PLB1: variants seen among roughly 807,000 people sequenced by gnomAD.
The protein encoded by PLB1 is phospholipase B1, also known as phospholipase B1, membrane-associated.
Under a neutral mutation model 227.4 loss-of-function variants are expected in PLB1, and 242 were observed. The ratio of observed to expected loss-of-function variants is 1.06; its 90% CI spans 0.96 to 1.18. PLB1 has a LOEUF of 1.18. PLB1 is among the 50% of genes most tolerant of loss of function. PLB1 has a pLI of 0.00. For synonymous variants in PLB1, 757 were observed against 682.2 expected (o/e 1.11, Z -1.71); for missense variants, 1,858 against 1,816.3 (o/e 1.02, Z -0.42).
intron 43 of PLB1, among the ~76,000 whole-genome samples, chr2:28,612,665 C>T (rs1685626695): frequency 6.8e-6 from 1 of 147,314 alleles, no homozygotes; most frequent in Non-Finnish European, 1.5e-5. Context: ...CTGGAGTGAA[C>T]TGGCATGATC....
intron 51 of PLB1, 133 bp from the exon 52 acceptor site, chr2:28,628,430 T>C: frequency 1.4e-6 from 1 of 721,180 alleles, no homozygotes; most frequent in Non-Finnish European, 2.4e-6. Flanking sequence ...GGCTTCTCAG[T>C]TTGACCAGGA....
At chr2:28,576,764 C>T (rs1009696986) in intron 21 of PLB1, among the ~76,000 whole-genome samples, 10 of 152,160 alleles carry the variant, frequency 6.6e-5, no homozygotes, top group African/African-American at 1.7e-4. Context: ...GAGTAATCAT[C>T]CTCAAACTCT....
At chr2:28,624,311 A>G (rs557499299) in intron 49 of PLB1, among the ~76,000 whole-genome samples, 3 of 152,336 alleles carry the variant, frequency 2.0e-5, no homozygotes, top group East Asian at 1.9e-4. Context: ...AAATGGGATC[A>G]AAGAGTATAT....
At position 28,626,689 on chromosome 2, in the gene PLB1, C is replaced by T. The variant is rs1573533170; in HGVS notation, c.3660+181C>T. 4.8e-6 allele frequency: 3 copies of T among 625,468 alleles called. No homozygotes were observed. In the South Asian group the frequency reaches 5.9e-5, roughly 12 times the overall value. 38.7% of individuals were successfully genotyped at this position (625,468 alleles called of 1,614,324 possible). A position where few individuals can be genotyped will look rare whatever the true frequency, so the allele number is the denominator to read the frequency against. Reference sequence around the variant, plus strand: ...GGCAAGGCCCAGCCTTTTCTACTGCCTGAGCGACCCCTGGAAGAGCAGGTG... The same window carrying T: ...GGCAAGGCCCAGCCTTTTCTACTGCTTGAGCGACCCCTGGAAGAGCAGGTG... On this transcript the variant is annotated intron_variant, in intron 51 of 57. Transcript: ENST00000327757.
intron 43 of PLB1, among the ~76,000 whole-genome samples, chr2:28,611,505 A>G (rs115106785): frequency 0.015 from 2,239 of 152,230 alleles, 68 homozygotes; most frequent in African/African-American, 0.05. Context: ...AGCAGGTACT[A>G]CACTGACTGG....
At chr2:28,525,971 T>A (rs72792970) in intron 6 of PLB1, 26 bp downstream of exon 6, 1 of 1,613,504 alleles carries the variant, frequency 6.2e-7, no homozygotes, top group East Asian at 2.2e-5. Context: ...CACGGCCAGA[T>A]TTCAGAGTGC....
intron 17 of PLB1, among the ~76,000 whole-genome samples, chr2:28,558,873 CAGGAGA>C (rs1472369528): frequency 6.6e-6 from 1 of 152,162 alleles, no homozygotes; most frequent in Non-Finnish European, 1.5e-5. Flanking sequence ...TACATACACA[CAGGAGA>C]AACAACTCTA....
intron 57 of PLB1, among the ~76,000 whole-genome samples, chr2:28,642,544 T>C (rs1013216729): frequency 1.3e-5 from 2 of 152,124 alleles, no homozygotes; most frequent in East Asian, 1.9e-4. Flanking sequence ...AGGTGGGAGT[T>C]CTACAGGCCC....
chr2:28,610,414 G>A (rs1685276614), intron 43 of PLB1, among the ~76,000 whole-genome samples: 2 of 151,956 alleles, frequency 1.3e-5, no homozygotes, highest in South Asian at 4.2e-4. Flanking sequence ...GCCTCCCAAA[G>A]TGCTGGGATT....
chr2:28,520,943 C>G (rs1669449520), intron 4 of PLB1, among the ~76,000 whole-genome samples: 1 of 152,118 alleles, frequency 6.6e-6, no homozygotes, highest in Admixed American at 6.5e-5. Context: ...CCATTGCACT[C>G]CGGCCTGGGA....
At chr2:28,623,357 G>T (rs1409036673) in intron 49 of PLB1, among the ~76,000 whole-genome samples, 1 of 152,052 alleles carries the variant, frequency 6.6e-6, no homozygotes, top group East Asian at 1.9e-4. Flanking sequence ...GAAGAAGATG[G>T]CTAGGAAGAG....
intron 15 of PLB1, 24 bp from the exon 16 acceptor site, chr2:28,549,986 C>A: frequency 6.3e-7 from 1 of 1,599,828 alleles, no homozygotes; most frequent in South Asian, 1.1e-5. Context: ...GGTCACGATT[C>A]CAACATGTCA....
Position 28,606,426 on chromosome 2 carries a change from C to G in PLB1, c.3058-70C>G, listed in dbSNP as rs909976122. The G allele has an allele frequency of 5.5e-6, 8 of 1,461,310 alleles. No individual in the cohort carries two copies. The African/African-American group carries it at 1.1e-4, about 20-fold the overall frequency. The allele number at this position is 1,461,310 out of a possible 1,614,324, so 90.5% of individuals were successfully genotyped here. ...TCTGAGCTTTCCCCACTGCAGGATT[C>G]TGCCAGGGAATGTTCACTTCCATGG... On this transcript the variant is annotated intron_variant, in intron 42 of 57. Coordinates refer to ENST00000327757, the MANE Select transcript of PLB1 (RefSeq NM_153021.5).
chr2:28,511,392 T>C (rs967572400), intron 1 of PLB1, among the ~76,000 whole-genome samples: 2 of 152,352 alleles, frequency 1.3e-5, no homozygotes, highest in South Asian at 2.1e-4. Context: ...ATTTGACTTA[T>C]GGGTCATAGT....
At chr2:28,531,123 C>T (rs764448602) in intron 8 of PLB1, among the ~76,000 whole-genome samples, 1 of 152,020 alleles carries the variant, frequency 6.6e-6, no homozygotes, top group Non-Finnish European at 1.5e-5. Flanking sequence ...TGTTCATAAC[C>T]GAAAAAATCA....
At chr2:28,530,624 T>C (rs981610533) in intron 8 of PLB1, among the ~76,000 whole-genome samples, 28 of 152,248 alleles carry the variant, frequency 1.8e-4, no homozygotes, top group Non-Finnish European at 3.1e-4. Context: ...TATATAAATT[T>C]GTAATAAGCA....
At chr2:28,559,052 G>C (rs984507697) in intron 17 of PLB1, among the ~76,000 whole-genome samples, 3 of 152,202 alleles carry the variant, frequency 2.0e-5, no homozygotes, top group Non-Finnish European at 4.4e-5. Flanking sequence ...TTTACAGACA[G>C]TCTCACTTTG....
At chr2:28,517,251 G>C (rs1289464290) in intron 2 of PLB1, among the ~76,000 whole-genome samples, 1 of 150,514 alleles carries the variant, frequency 6.6e-6, no homozygotes, top group Non-Finnish European at 1.5e-5. Context: ...ACCGTAATCA[G>C]TACTTCAAGA....
rs145370537 is a variant in PLB1 at position 28,579,659 on chromosome 2, A to T, written c.1518A>T (p.Ile506=). 2.4e-4 allele frequency: 390 copies of T among 1,613,428 alleles called. 4 individuals carry two copies. The highest frequency in any genetic ancestry group is 1.7e-4 in the Middle Eastern group (1 of 6,056). Reference sequence around the variant, plus strand: ...ACTTTCAGGAAGACTGGAAGATAATAACCCTGTTTATAGGCGGCAATGACC... The same window carrying T: ...ACTTTCAGGAAGACTGGAAGATAATTACCCTGTTTATAGGCGGCAATGACC... ...RIHFQEDWKI[I]TLFIGGNDLC... The change falls in exon 23 of 58, where the codon ATA becomes ATT. Residue 506 remains isoleucine, a synonymous_variant. Transcript: ENST00000327757.
Sources: gnomAD v4.1 joint callset for allele counts (sites outside exome capture counted in the v4.1 genomes callset) on GRCh38, gnomAD v4.1.1 for gene constraint, MANE v1.5 for transcripts, NCBI Gene and HGNC (gene_info 2026-07-23, HGNC 2026-07-21) for gene names.